The following PLPP7 variants were observed in gnomAD, a reference collection of about 807,000 sequenced individuals.
PLPP7 encodes the protein inactive phospholipid phosphatase 7.
A neutral mutation model predicts 16.9 loss-of-function variants in PLPP7; 11 were observed. The observed-to-expected ratio is 0.65, with a 90% CI of 0.41 to 1.08. The LOEUF is 1.08. Among genes scored for constraint, PLPP7 ranks in the 50% least tolerant of loss-of-function variants. PLPP7 has a pLI of 0.00. For missense variants in PLPP7, 358 were observed against 397.1 expected (o/e 0.90, Z 0.84); for synonymous variants, 174 against 175.1 (o/e 0.99, Z 0.05).
Position 131,289,837 on chromosome 9 carries a change from G to C in PLPP7, c.-161G>C. Reference sequence around the variant, plus strand: ...CCCCTTGGAGCTGGGTGGCAGAGGAGATAAACAGCCATGTGCAACTCTCCA... The same window carrying C: ...CCCCTTGGAGCTGGGTGGCAGAGGACATAAACAGCCATGTGCAACTCTCCA... On this transcript the variant is annotated 5_prime_UTR_variant, in exon 1 of 2. Transcript: ENST00000372264. 1 of 514,440 alleles carries C rather than the reference G, an allele frequency of 1.9e-6. No individual in the cohort carries two copies. Among genetic ancestry groups the C allele is most frequent in the Non-Finnish European group, 3.0e-6 (1 of 328,254 alleles). The allele number at this position is 514,440 out of a possible 1,614,324, so 31.9% of individuals were successfully genotyped here.
intron 1 of PLPP7, among the ~76,000 whole-genome samples, chr9:131,298,383 C>G (rs758278077): frequency 1.3e-5 from 2 of 152,102 alleles, no homozygotes; most frequent in Non-Finnish European, 2.9e-5. Context: ...CCAACCCAGC[C>G]GGAGAGAGAC....
intron 1 of PLPP7, among the ~76,000 whole-genome samples, chr9:131,302,393 C>G (rs1030925430): frequency 2.6e-5 from 4 of 152,136 alleles, no homozygotes; most frequent in Non-Finnish European, 5.9e-5. Context: ...CTTCATGGGG[C>G]GAAGGGATGC....
chr9:131,300,693 A>G (rs1289899046), intron 1 of PLPP7, among the ~76,000 whole-genome samples: 1 of 149,570 alleles, frequency 6.7e-6, no homozygotes, highest in African/African-American at 2.5e-5. Flanking sequence ...AAAGCAGAAA[A>G]AAAAAAAAAA....
intron 1 of PLPP7, among the ~76,000 whole-genome samples, chr9:131,307,222 G>A (rs1249559316): frequency 1.3e-5 from 2 of 149,946 alleles, no homozygotes; most frequent in East Asian, 3.9e-4. Context: ...CTACAGCCTG[G>A]GCAATAGAGC....
Position 131,306,751 on chromosome 9 carries a change from G to A in PLPP7, c.452-1172G>A, listed in dbSNP as rs531841699. 2.2e-3 allele frequency among the ~76,000 whole-genome samples: 337 copies of A among 152,308 alleles called. 1 individual carries two copies. Among genetic ancestry groups the A allele is most frequent in the Non-Finnish European group, 3.7e-3 (253 of 68,028 alleles). On this transcript the variant is annotated intron_variant, in intron 1 of 1. Transcript: ENST00000372264. ...AAATCCTCTAGAGGAAAGCAGATTG[G>A]TGGTGTCCCAGGGGCTGGAGAGAAG...
At chr9:131,299,367 C>T (rs55753220) in intron 1 of PLPP7, among the ~76,000 whole-genome samples, 20 of 151,854 alleles carry the variant, frequency 1.3e-4, no homozygotes, top group Admixed American at 8.5e-4. Flanking sequence ...CTTGAGTCAA[C>T]TGGTCGACTG....
At chr9:131,292,974 A>T (rs1835698352) in intron 1 of PLPP7, 3 of 984,536 alleles carry the variant, frequency 3.0e-6, no homozygotes, top group South Asian at 4.7e-5. Flanking sequence ...AGACATTTTT[A>T]AAAATCTTTA....
chr9:131,290,426 G>T lies in PLPP7; in HGVS notation c.429G>T (p.Glu143Asp). 6.5e-7 allele frequency: 1 copy of T among 1,539,952 alleles called. No homozygotes were observed. Reference sequence around the variant, plus strand: ...AGAGCAGCACACTGGCCGGCCAGGAGGTGCTCATGAATCTGCTCCTGGGTG... The same window carrying T: ...AGAGCAGCACACTGGCCGGCCAGGATGTGCTCATGAATCTGCTCCTGGGTG... ...LVKSSTLAGQ[E>D]VLMNLLLALL... Residue 143 changes from glutamate to aspartate, a missense_variant, in exon 1 of 2, where the codon GAG (glutamate) becomes GAT (aspartate). By Grantham distance (45) the Glu-to-Asp change is conservative (BLOSUM62 2). Transcript: ENST00000372264. This position sits in a 1 kb window ranked among gnomAD's most constrained non-coding sequence, Gnocchi z 4.2.
rs538415502 is a variant in PLPP7, at chr9:131,290,634, T to G, written c.451+186T>G. On this transcript the variant is annotated intron_variant, in intron 1 of 1. Coordinates refer to ENST00000372264, the MANE Select transcript of PLPP7 (RefSeq NM_032728.4). The surrounding 1 kb of genome is among the most constrained non-coding windows in gnomAD (Gnocchi z 4.2). Reference sequence around the variant, plus strand: ...GGCGTGGGGGAGCGACAGCCAGGGATGCATAGACGAGGCTCTCCTGCCACA... The same window carrying G: ...GGCGTGGGGGAGCGACAGCCAGGGAGGCATAGACGAGGCTCTCCTGCCACA... 3.1e-5 allele frequency among the ~76,000 whole-genome samples: 2 copies of G among 63,896 alleles called. No homozygotes were observed. The highest frequency in any genetic ancestry group is 8.5e-5 in the African/African-American group (2 of 23,518). The allele number at this position is 63,896 out of a possible 152,430, so 41.9% of individuals were successfully genotyped here.
intron 1 of PLPP7, among the ~76,000 whole-genome samples, chr9:131,299,609 C>T (rs573821618): frequency 3.9e-5 from 6 of 152,120 alleles, no homozygotes; most frequent in Non-Finnish European, 8.8e-5. Context: ...GGGTGGCAGG[C>T]GGGCCACTGC....
At chr9:131,307,896 C>A (rs763335818) in intron 1 of PLPP7, 27 bp from the exon 2 acceptor site, 1 of 1,549,154 alleles carries the variant, frequency 6.5e-7, no homozygotes. Flanking sequence ...CCCTGATGGC[C>A]CAGGGGCCTC....
Position 131,290,077 on chromosome 9 carries a change from A to G in PLPP7, c.80A>G (p.Gln27Arg). 6.7e-7 allele frequency: 1 copy of G among 1,499,142 alleles called. No individual in the cohort carries two copies. The highest frequency in any genetic ancestry group is 8.9e-7 in the Non-Finnish European group (1 of 1,126,630). 92.9% of individuals were successfully genotyped at this position (1,499,142 alleles called of 1,614,324 possible). ...LNRAEFLSLN[Q>R]PPKGGPEPRS... is the part of the protein sequence containing the mutation. ...CGGGCTGAGTTCCTGTCCCTGAACC[A>G]GCCCCCCAAGGGGGGCCCGGAGCCC... The change falls in exon 1 of 2, where the codon CAG becomes CGG. Residue 27 changes from glutamine (Q) to arginine (R), a missense_variant. By Grantham distance (43) the Gln-to-Arg change is conservative. Transcript: ENST00000372264. This position sits in a 1 kb window ranked among gnomAD's most constrained non-coding sequence, Gnocchi z 4.2.
rs1588210299 is a variant in PLPP7 at position 131,304,044 on chromosome 9, C to T, written c.452-3879C>T. ...TGGGGAAGCACAGGGGGCAGGGGCA[C>T]GGGCTCCCTGCCGACTCTGTACCTG... is the stretch of plus-strand genomic sequence containing the variant. On this transcript the variant is annotated intron_variant, in intron 1 of 1. Transcript: ENST00000372264. Among the ~76,000 whole-genome samples, 4 of 152,106 alleles carry T rather than the reference C, an allele frequency of 2.6e-5. No individual in the cohort carries two copies. The South Asian group carries it at 8.3e-4, about 32-fold the overall frequency.
intron 1 of PLPP7, among the ~76,000 whole-genome samples, chr9:131,299,779 C>T (rs1426435520): frequency 6.6e-6 from 1 of 152,224 alleles, no homozygotes; most frequent in East Asian, 1.9e-4. Context: ...GCCTCGTTCA[C>T]AGTGCCAGGC....
intron 1 of PLPP7, chr9:131,292,678 C>A: frequency 2.5e-6 from 1 of 405,038 alleles, no homozygotes; most frequent in Non-Finnish European, 3.3e-6. Context: ...AACTTACCCA[C>A]AGTCAGTGGA....
At chr9:131,306,576 A>C (rs528233258) in intron 1 of PLPP7, among the ~76,000 whole-genome samples, 1 of 152,314 alleles carries the variant, frequency 6.6e-6, no homozygotes, top group African/African-American at 2.4e-5. Context: ...ATAGTGGTCC[A>C]TCCATACAGT....
At chr9:131,291,492 C>A in intron 1 of PLPP7, 1 of 896,042 alleles carries the variant, frequency 1.1e-6, no homozygotes, top group Non-Finnish European at 1.4e-6. Context: ...CTCGGGGAGG[C>A]AGAAACCATT....
intron 1 of PLPP7, among the ~76,000 whole-genome samples, chr9:131,302,530 C>T (rs1835810358): frequency 6.6e-6 from 1 of 152,176 alleles, no homozygotes; most frequent in South Asian, 2.1e-4. Flanking sequence ...GCATGGTCAG[C>T]ACACGAGCTG....
intron 1 of PLPP7, among the ~76,000 whole-genome samples, chr9:131,292,117 G>A (rs1835684235): frequency 6.6e-6 from 1 of 152,184 alleles, no homozygotes; most frequent in Non-Finnish European, 1.5e-5. Flanking sequence ...TGGGAGGGAG[G>A]GACAGAGCAA....
Sources: gnomAD v4.1 joint callset for allele counts (sites outside exome capture counted in the v4.1 genomes callset) on GRCh38, gnomAD v4.1.1 for gene constraint, Gnocchi (gnomAD v3.1) non-coding constraint, MANE v1.5 for transcripts, NCBI Gene and HGNC (gene_info 2026-07-23, HGNC 2026-07-21) for gene names.